ARHGAP24: variants seen among roughly 807,000 people sequenced by gnomAD.
ARHGAP24 encodes rho GTPase-activating protein 24.
In ARHGAP24, 50 loss-of-function variants were observed where a neutral mutation model predicts 76.4. The observed-to-expected ratio is 0.65, with a 90% CI of 0.52 to 0.83. The LOEUF (loss-of-function observed/expected upper bound fraction) is 0.83, where lower values mean the gene tolerates loss of function less well. ARHGAP24 is among the 40% of genes least tolerant of loss of function. The pLI is 0.00. For synonymous variants in ARHGAP24, 345 were observed against 323.3 expected, an observed-to-expected ratio of 1.07 and a Z score of -0.72; for missense variants, 930 against 914.2, an observed-to-expected ratio of 1.02 and a Z score of -0.22.
intron 2 of ARHGAP24, among the ~76,000 whole-genome samples, chr4:85,625,859 T>C (rs1287047785): frequency 8.5e-5 from 13 of 152,196 alleles, no homozygotes; most frequent in Non-Finnish European, 1.9e-4. Context: ...TTTGTTGGTT[T>C]AAAGTCTGTT....
chr4:85,715,549 T>C (rs73835539), intron 2 of ARHGAP24, among the ~76,000 whole-genome samples: 6,705 of 152,140 alleles, frequency 0.044, 450 homozygotes, highest in African/African-American at 0.15. Context: ...AATAGTTTGC[T>C]TGAAGTCATG....
At chr4:86,000,444 T>TGCC in intron 9 of ARHGAP24, 35 bp from the exon 10 acceptor site, 2 of 616,722 alleles carry the variant, frequency 3.2e-6, no homozygotes, top group Non-Finnish European at 2.7e-6. Context: ...TACTCTTGCG[T>TGCC]CCCCACCCCC....
intron 9 of ARHGAP24, 35 bp from the exon 10 acceptor site, chr4:86,000,444 T>TG: frequency 2.9e-5 from 18 of 616,696 alleles, no homozygotes; most frequent in African/African-American, 3.8e-5. Flanking sequence ...TACTCTTGCG[T>TG]CCCCACCCCC....
chr4:85,490,142 A>G (rs1464703470), intron 1 of ARHGAP24, among the ~76,000 whole-genome samples: 2 of 152,110 alleles, frequency 1.3e-5, no homozygotes, highest in African/African-American at 4.8e-5. Flanking sequence ...GAATAAATAT[A>G]TATGTCATGT....
chr4:85,651,119 G>A (rs1721926461), intron 2 of ARHGAP24, among the ~76,000 whole-genome samples: 1 of 149,244 alleles, frequency 6.7e-6, no homozygotes, highest in South Asian at 2.1e-4. Flanking sequence ...CAAGTTCGGT[G>A]AAGTTGGAGC....
intron 2 of ARHGAP24, among the ~76,000 whole-genome samples, chr4:85,713,072 C>G (rs1163229003): frequency 6.6e-6 from 1 of 152,062 alleles, no homozygotes. Context: ...CTGAGATGGG[C>G]AGATCGTTTG....
chr4:85,776,613 T>C (rs910906137), intron 3 of ARHGAP24, among the ~76,000 whole-genome samples: 1 of 152,194 alleles, frequency 6.6e-6, no homozygotes. Context: ...GTCACCAAAA[T>C]TGCTAGTTCC....
At chr4:85,731,533 C>A (rs1725409985) in intron 3 of ARHGAP24, among the ~76,000 whole-genome samples, 1 of 152,196 alleles carries the variant, frequency 6.6e-6, no homozygotes, top group Non-Finnish European at 1.5e-5. Flanking sequence ...TTGTCTAGGT[C>A]TGAGTTATTT....
intron 3 of ARHGAP24, among the ~76,000 whole-genome samples, chr4:85,816,977 A>G (rs528230333): frequency 1.3e-5 from 2 of 152,158 alleles, no homozygotes; most frequent in African/African-American, 2.4e-5. Flanking sequence ...GAAGTAATAG[A>G]TAACTCATTG....
intron 1 of ARHGAP24, among the ~76,000 whole-genome samples, chr4:85,508,024 A>T (rs111412100): frequency 0.01 from 1,525 of 151,280 alleles, 24 homozygotes; most frequent in African/African-American, 0.035. Flanking sequence ...GGACATTTTT[A>T]TATCTCCTTT....
At chr4:85,789,237 A>G (rs1025818756) in intron 3 of ARHGAP24, among the ~76,000 whole-genome samples, 2 of 148,934 alleles carry the variant, frequency 1.3e-5, no homozygotes, top group African/African-American at 4.9e-5. Flanking sequence ...AAAAAAAAAA[A>G]AGATGGGATT....
In ARHGAP24 at chr4:85,558,241, G is replaced by T. The variant is rs149916078; in HGVS notation, c.-20-12281G>T. Among the ~76,000 whole-genome samples, 316 of 152,196 alleles carry T rather than the reference G, an allele frequency of 2.1e-3. 1 individual carries two copies. The highest frequency in any genetic ancestry group is 6.9e-3 in the African/African-American group (286 of 41,530). ...CGAGAAAAACATGGGATGAGGGAGA[G>T]GGGAGTCCTCAGAGACAGGCTCTTG... is the stretch of plus-strand genomic sequence containing the variant. On this transcript the variant is annotated intron_variant, in intron 1 of 9. Coordinates refer to ENST00000395184, the MANE Select transcript of ARHGAP24 (RefSeq NM_001025616.3).
chr4:85,510,584 C>T (rs1335246940), intron 1 of ARHGAP24, among the ~76,000 whole-genome samples: 1 of 148,144 alleles, frequency 6.8e-6, no homozygotes, highest in African/African-American at 2.5e-5. Context: ...TTCTTCCCTC[C>T]CCTCTCTCCC....
At chr4:85,790,332 A>G (rs1728060427) in intron 3 of ARHGAP24, among the ~76,000 whole-genome samples, 1 of 152,200 alleles carries the variant, frequency 6.6e-6, no homozygotes, top group South Asian at 2.1e-4. Flanking sequence ...AATGGTTCCA[A>G]TAACTGTATC....
Position 85,995,320 on chromosome 4 carries a change from T to C in ARHGAP24, c.1666T>C (p.Ser556Pro). Residue 556 changes from serine (S) to proline (P), a missense_variant, in exon 9 of 10, where the codon TCC becomes CCC. Ser to Pro is a moderately conservative substitution (Grantham distance 74). Transcript: ENST00000395184. ...GCAGAGCATTGACAGTGCTACCTGGTCCACTTCCTCCTGTGAAATCTCCCT... is the reference window on the plus strand; with the variant it reads ...GCAGAGCATTGACAGTGCTACCTGGCCCACTTCCTCCTGTGAAATCTCCCT... The part of the protein sequence containing the change: ...DKQSIDSATW[S>P]TSSCEISLPE... 1.2e-6 allele frequency: 2 copies of C among 1,614,062 alleles called. No individual in the cohort carries two copies. The highest frequency in any genetic ancestry group is 1.7e-6 in the Non-Finnish European group (2 of 1,180,026).
At chr4:85,556,346 G>T (rs1195080637) in intron 1 of ARHGAP24, among the ~76,000 whole-genome samples, 2 of 152,140 alleles carry the variant, frequency 1.3e-5, no homozygotes, top group African/African-American at 4.8e-5. Flanking sequence ...CTCAGTTGCG[G>T]GTGGAGGAGC....
intron 3 of ARHGAP24, among the ~76,000 whole-genome samples, chr4:85,908,950 C>A (rs1301724740): frequency 6.6e-6 from 1 of 151,978 alleles, no homozygotes; most frequent in Non-Finnish European, 1.5e-5. Flanking sequence ...ACCTGAGTTT[C>A]AATATGCTTT....
chr4:85,923,759 C>A lies in ARHGAP24; in HGVS notation c.380C>A (p.Pro127His), dbSNP rs1038350423. Reference sequence around the variant, plus strand: ...TCAATCCGCCGAGTCATATGGGGACCTTTCGGAGGAGGTGAGTGTACTTTA... The same window carrying A: ...TCAATCCGCCGAGTCATATGGGGACATTTCGGAGGAGGTGAGTGTACTTTA... ...VKSIRRVIWG[P>H]FGGGIFGQKL... The change falls in exon 4 of 10, where the codon CCT becomes CAT. Residue 127 changes from proline to histidine, a missense_variant. Coordinates refer to ENST00000395184, the MANE Select transcript of ARHGAP24 (RefSeq NM_001025616.3). The A allele has an allele frequency of 3.1e-6, 5 of 1,613,848 alleles. No homozygotes were observed. The African/African-American group carries it at 6.7e-5, about 22-fold the overall frequency.
At chr4:85,841,951 C>G (rs1334723966) in intron 3 of ARHGAP24, among the ~76,000 whole-genome samples, 3 of 152,200 alleles carry the variant, frequency 2.0e-5, no homozygotes, top group Admixed American at 6.5e-5. Flanking sequence ...ACAAGCCCTA[C>G]TTGGCCTTTT....
Sources: gnomAD v4.1 joint callset for allele counts (sites outside exome capture counted in the v4.1 genomes callset) on GRCh38, gnomAD v4.1.1 for gene constraint, MANE v1.5 for transcripts, NCBI Gene and HGNC (gene_info 2026-07-23, HGNC 2026-07-21) for gene names.